The following PIK3C2G variants were observed in gnomAD, a reference collection of about 807,000 sequenced individuals.
PIK3C2G encodes phosphatidylinositol 3-kinase C2 domain-containing subunit gamma.
PIK3C2G carries 168 observed loss-of-function variants against 181.1 expected under a neutral mutation model. The observed-to-expected ratio is 0.93, with a 90% CI of 0.82 to 1.05. The LOEUF (loss-of-function observed/expected upper bound fraction) is 1.05. Among genes scored for constraint, PIK3C2G ranks in the 50% least tolerant of loss-of-function variants. PIK3C2G has a pLI of 0.00. For missense variants in PIK3C2G, 1,869 were observed against 1,732.8 expected (o/e 1.08, Z -1.40); for synonymous variants, 573 against 592.2 (o/e 0.97, Z 0.47).
intron 19 of PIK3C2G, 49 bp downstream of exon 19, chr12:18,488,678 T>G (rs1300432929): frequency 8.7e-7 from 1 of 1,152,308 alleles, no homozygotes; most frequent in Non-Finnish European, 1.1e-6. Context: ...AACTTTGGCT[T>G]AAATTAAGTT....
Position 18,562,849 on chromosome 12 carries a change from T to A in PIK3C2G, c.3737T>A (p.Ile1246Asn), listed in dbSNP as rs779727278. Reference sequence around the variant, plus strand: ...TGTTTGCTGAGTACAACTAGGTCGATTGAAAGAGCAACAATTTTAGGGTTC... The same window carrying A: ...TGTTTGCTGAGTACAACTAGGTCGAATGAAAGAGCAACAATTTTAGGGTTC... ...ESCLLSTTRS[I>N]ERATILGFSK... Residue 1246 changes from isoleucine to asparagine, a missense_variant, in exon 27 of 33, where the codon ATT becomes AAT. Physicochemically the swap from Ile to Asn is moderately radical, Grantham distance 149. Coordinates refer to ENST00000538779, the MANE Select transcript of PIK3C2G (RefSeq NM_001288772.2). 68 of 1,606,456 alleles carry A rather than the reference T, an allele frequency of 4.2e-5. 2 individuals are homozygous for A. The South Asian group carries it at 5.7e-4, about 13-fold the overall frequency.
the PIK3C2G span, among the ~76,000 whole-genome samples, chr12:18,676,006 T>C: frequency 2.4e-5 from 3 of 123,166 alleles, no homozygotes; most frequent in African/African-American, 7.4e-5. Flanking sequence ...CTTCTGAATC[T>C]ATTTAAAAAA....
At chr12:18,555,237 C>G (rs1944945632) in intron 26 of PIK3C2G, among the ~76,000 whole-genome samples, 1 of 152,118 alleles carries the variant, frequency 6.6e-6, no homozygotes. Flanking sequence ...GCCTAAGAAC[C>G]TTGGTTCAAC....
intron 24 of PIK3C2G, among the ~76,000 whole-genome samples, chr12:18,509,747 G>A (rs1942087660): frequency 6.6e-6 from 1 of 152,166 alleles, no homozygotes; most frequent in Non-Finnish European, 1.5e-5. Context: ...TTATGATTAT[G>A]AAGGATTTCA....
At chr12:18,547,076 G>A (rs1944471268) in intron 26 of PIK3C2G, among the ~76,000 whole-genome samples, 1 of 151,960 alleles carries the variant, frequency 6.6e-6, no homozygotes, top group Admixed American at 6.6e-5. Context: ...CTACAAACAG[G>A]AGAGAAAAAC....
intron 16 of PIK3C2G, among the ~76,000 whole-genome samples, chr12:18,401,567 TTCAAAATGTGACAG>T (rs1266438731): frequency 6.6e-6 from 1 of 152,096 alleles, no homozygotes; most frequent in Non-Finnish European, 1.5e-5. Flanking sequence ...AGAGAATTCA[TTCAAAATGTGACAG>T]TCACAACTGA....
intron 29 of PIK3C2G, among the ~76,000 whole-genome samples, chr12:18,573,463 C>G (rs1487835908): frequency 6.6e-6 from 1 of 152,156 alleles, no homozygotes; most frequent in African/African-American, 2.4e-5. Context: ...AACTTCTCAG[C>G]CTCTCAACTG....
chr12:18,496,253 C>T (rs1941003687), intron 21 of PIK3C2G, 99 bp downstream of exon 21: 1 of 724,980 alleles, frequency 1.4e-6, no homozygotes, highest in Non-Finnish European at 2.3e-6. Context: ...CCTCCAGCAA[C>T]AACACATAGG....
At chr12:18,404,906 T>C (rs1944434157) in intron 16 of PIK3C2G, among the ~76,000 whole-genome samples, 1 of 151,932 alleles carries the variant, frequency 6.6e-6, no homozygotes, top group Non-Finnish European at 1.5e-5. Context: ...GAATATTAGA[T>C]AGATAATAGA....
In PIK3C2G at chr12:18,609,642, T is replaced by G. The variant is rs2277327; in HGVS notation, c.4182+13T>G. The G allele has an allele frequency of 4.8e-6, 7 of 1,467,530 alleles. No homozygotes were observed. In the East Asian group the frequency reaches 7.3e-5, roughly 15 times the overall value. The allele number at this position is 1,467,530 out of a possible 1,614,324, so 90.9% of individuals were successfully genotyped here. ...CATGAAAAACATTGTAAGTTTATTA[T>G]GTATAATAAGAAACATGTAAGCCTA... On this transcript the variant is annotated intron_variant, in intron 31 of 32. Coordinates refer to ENST00000538779, the MANE Select transcript of PIK3C2G (RefSeq NM_001288772.2).
chr12:18,565,196 G>A (rs1945564595), intron 28 of PIK3C2G, among the ~76,000 whole-genome samples: 1 of 152,118 alleles, frequency 6.6e-6, no homozygotes, highest in Non-Finnish European at 1.5e-5. Flanking sequence ...ACTGAGAGAA[G>A]CCCTACGAGA....
At chr12:18,250,384 C>A (rs1483638333) in intron 1 of PIK3C2G, among the ~76,000 whole-genome samples, 1 of 152,010 alleles carries the variant, frequency 6.6e-6, no homozygotes. Flanking sequence ...AGGGAAAAAA[C>A]ATATTTGATT....
chr12:18,715,969 T>C, the PIK3C2G span, among the ~76,000 whole-genome samples: 7 of 152,208 alleles, frequency 4.6e-5, no homozygotes, highest in African/African-American at 1.7e-4. Context: ...GGCCCGTGGA[T>C]ACTCTCTGGG....
At chr12:18,341,732 A>C (rs192431037) in intron 9 of PIK3C2G, among the ~76,000 whole-genome samples, 24 of 152,304 alleles carry the variant, frequency 1.6e-4, no homozygotes, top group African/African-American at 5.3e-4. Flanking sequence ...ACAGTTAACA[A>C]TGCCAAAGCA....
intron 24 of PIK3C2G, among the ~76,000 whole-genome samples, chr12:18,510,598 A>G (rs1942142332): frequency 6.6e-6 from 1 of 152,140 alleles, no homozygotes; most frequent in Admixed American, 6.5e-5. Flanking sequence ...CTAGCCTTGC[A>G]TTAAGTGTTT....
intron 1 of PIK3C2G, among the ~76,000 whole-genome samples, chr12:18,250,329 T>C (rs1948083220): frequency 6.6e-6 from 1 of 152,114 alleles, no homozygotes; most frequent in South Asian, 2.1e-4. Flanking sequence ...AACATTTTGT[T>C]ATTATGAATT....
rs189904022 is a variant in PIK3C2G at position 18,473,021 on chromosome 12, T to C, written c.2505-15428T>C. ...GGCCTATTTTGATGTTTTTTAAAAATGTGTTTCTCCAAATCACAAGGTTCA... is the reference window on the plus strand; with the variant it reads ...GGCCTATTTTGATGTTTTTTAAAAACGTGTTTCTCCAAATCACAAGGTTCA... On this transcript the variant is annotated intron_variant, in intron 18 of 32. Coordinates refer to ENST00000538779, the MANE Select transcript of PIK3C2G (RefSeq NM_001288772.2). 3.9e-5 allele frequency among the ~76,000 whole-genome samples: 6 copies of C among 152,198 alleles called. No homozygotes were observed. In the East Asian group the frequency reaches 9.7e-4, roughly 25 times the overall value.
chr12:18,629,117 C>T (rs1310886629), intron 31 of PIK3C2G, among the ~76,000 whole-genome samples: 1 of 152,144 alleles, frequency 6.6e-6, no homozygotes, highest in East Asian at 1.9e-4. Context: ...ATGGATCCAG[C>T]CCCCTGGCCT....
intron 10 of PIK3C2G, among the ~76,000 whole-genome samples, chr12:18,344,694 T>A (rs539071584): frequency 6.6e-6 from 1 of 152,258 alleles, no homozygotes; most frequent in South Asian, 2.1e-4. Context: ...TAATAAATCA[T>A]GATAGATTTT....
Sources: allele counts gnomAD v4.1 joint callset (sites outside exome capture counted in the v4.1 genomes callset), GRCh38; gene constraint gnomAD v4.1.1; transcripts MANE v1.5; gene names NCBI Gene and HGNC (gene_info 2026-07-23, HGNC 2026-07-21).